ADCY1: variants seen among roughly 807,000 people sequenced by gnomAD.
ADCY1 encodes the protein adenylate cyclase type 1.
A neutral mutation model predicts 105.4 loss-of-function variants in ADCY1; 28 were observed. That is an observed-to-expected ratio of 0.27 (90% CI 0.20 to 0.36). The LOEUF (loss-of-function observed/expected upper bound fraction) is 0.36, where lower values mean the gene tolerates loss of function less well. ADCY1 is among the 10% of genes least tolerant of loss of function. The probability of loss-of-function intolerance (pLI) is 1.00; values close to 1 mark genes in which losing one functional copy is unlikely to be tolerated. For synonymous variants in ADCY1, 655 were observed against 623.8 expected, an observed-to-expected ratio of 1.05 and a Z score of -0.75; for missense variants, 977 against 1,434.2, an observed-to-expected ratio of 0.68 and a Z score of 5.15.
At chr7:45,663,544 G>A (rs1416258349) in intron 8 of ADCY1, among the ~76,000 whole-genome samples, 2 of 152,220 alleles carry the variant, frequency 1.3e-5, no homozygotes, top group African/African-American at 4.8e-5. Context: ...TATTTGGCTG[G>A]ATCGGTGGGC....
intron 19 of ADCY1, among the ~76,000 whole-genome samples, chr7:45,711,148 G>A (rs1785224185): frequency 6.6e-6 from 1 of 152,216 alleles, no homozygotes; most frequent in Admixed American, 6.5e-5. Flanking sequence ...CTTTTCCTCA[G>A]TGTGGAGGAA....
At chr7:45,695,073 G>A (rs142521351) in intron 14 of ADCY1, among the ~76,000 whole-genome samples, 3 of 152,216 alleles carry the variant, frequency 2.0e-5, no homozygotes, top group Non-Finnish European at 4.4e-5. Flanking sequence ...GAGACCCCTA[G>A]GCTCCACAGG....
intron 14 of ADCY1, among the ~76,000 whole-genome samples, chr7:45,694,371 CTT>C (rs576786740): frequency 2.3e-3 from 350 of 152,228 alleles, no homozygotes; most frequent in Non-Finnish European, 4.1e-3. Context: ...TTCTTAGTAA[CTT>C]TTGGTTCAAA....
chr7:45,662,066 C>T lies in ADCY1; in HGVS notation c.1457C>T (p.Pro486Leu). Reference protein sequence around the residue: ...IVPSHRRKIFPGLILSDIKPA... With the variant: ...IVPSHRRKIFLGLILSDIKPA... ...CCTTGTGTGTTTGGACAGATATTTC[C>T]AGGCCTGATTCTCTCAGATATAAAA... The change falls in exon 8 of 20, where the codon CCA becomes CTA. Residue 486 changes from proline (P) to leucine (L), a missense_variant. By Grantham distance (98) the Pro-to-Leu change is moderately conservative. Coordinates refer to ENST00000297323, the MANE Select transcript of ADCY1 (RefSeq NM_021116.4). 6.2e-7 allele frequency: 1 copy of T among 1,613,864 alleles called. No individual in the cohort carries two copies.
intron 2 of ADCY1, among the ~76,000 whole-genome samples, chr7:45,606,615 A>G (rs1793380577): frequency 6.6e-6 from 1 of 152,148 alleles, no homozygotes; most frequent in South Asian, 2.1e-4. Context: ...TGGTTGTTTG[A>G]TGTGTAACAT....
chr7:45,678,315 T>G (rs1159718261), intron 10 of ADCY1, 52 bp downstream of exon 10: 1 of 1,544,450 alleles, frequency 6.5e-7, no homozygotes, highest in Admixed American at 1.7e-5. Context: ...TCCCGGTTTC[T>G]GGGGTTCGTG....
At chr7:45,657,933 T>A in intron 6 of ADCY1, 48 bp downstream of exon 6, 2 of 1,546,642 alleles carry the variant, frequency 1.3e-6, no homozygotes, top group Non-Finnish European at 1.8e-6. Flanking sequence ...GTGATGGCTG[T>A]GCACCCCTGG....
At chr7:45,658,213 C>T (rs1056564279) in intron 6 of ADCY1, among the ~76,000 whole-genome samples, 3 of 152,254 alleles carry the variant, frequency 2.0e-5, no homozygotes, top group Non-Finnish European at 4.4e-5. Flanking sequence ...GTCACTGCAT[C>T]ACTTCTCTTT....
intron 14 of ADCY1, among the ~76,000 whole-genome samples, chr7:45,692,670 A>C (rs1182298850): frequency 6.6e-6 from 1 of 152,216 alleles, no homozygotes; most frequent in Non-Finnish European, 1.5e-5. Flanking sequence ...AAGATAGCAG[A>C]TTTTAAGTGT....
At chr7:45,622,417 C>A (rs886148471) in intron 3 of ADCY1, among the ~76,000 whole-genome samples, 3 of 152,160 alleles carry the variant, frequency 2.0e-5, no homozygotes, top group Non-Finnish European at 4.4e-5. Context: ...TTTACTCCCC[C>A]AGTGGCCAAG....
rs1792916641 is a variant in ADCY1 at position 45,591,526 on chromosome 7, C to T, written c.640-1233C>T. On this transcript the variant is annotated intron_variant, in intron 1 of 19. Transcript: ENST00000297323. The surrounding 1 kb of genome is among the most constrained non-coding windows in gnomAD (Gnocchi z 4.1). ...TGTGTGGAGCAGTGACAGCCGGAGC[C>T]TGCAGGTTTCTGCTCCCTGGGAGAC... 1.3e-5 allele frequency among the ~76,000 whole-genome samples: 2 copies of T among 152,364 alleles called. No individual in the cohort carries two copies. The highest frequency in any genetic ancestry group is 4.8e-5 in the African/African-American group (2 of 41,588).
Position 45,704,630 on chromosome 7 carries a change from G to A in ADCY1, c.2817+14G>A. The A allele has an allele frequency of 6.2e-7, 1 of 1,608,006 alleles. No individual in the cohort carries two copies. The highest frequency in any genetic ancestry group is 2.2e-5 in the East Asian group (1 of 44,876). Reference sequence around the variant, plus strand: ...TCGGGGACCAAGGTGAGTGCAGCCTGGCGCTGCCTGCTTGGGGACTGGGTC... The same window carrying A: ...TCGGGGACCAAGGTGAGTGCAGCCTAGCGCTGCCTGCTTGGGGACTGGGTC... On this transcript the variant is annotated intron_variant, in intron 17 of 19. Coordinates refer to ENST00000297323, the MANE Select transcript of ADCY1 (RefSeq NM_021116.4).
chr7:45,579,224 A>G (rs540300058), intron 1 of ADCY1, among the ~76,000 whole-genome samples: 1 of 152,278 alleles, frequency 6.6e-6, no homozygotes, highest in Non-Finnish European at 1.5e-5. Context: ...CCAATCTGCC[A>G]GCCCTCAGGC....
intron 3 of ADCY1, among the ~76,000 whole-genome samples, chr7:45,616,159 C>T: frequency 6.6e-6 from 1 of 152,222 alleles, no homozygotes; most frequent in East Asian, 1.9e-4. Flanking sequence ...TTGAACAGAC[C>T]TATATATAGT....
chr7:45,604,033 G>T (rs889661710), intron 2 of ADCY1, among the ~76,000 whole-genome samples: 28 of 152,268 alleles, frequency 1.8e-4, no homozygotes, highest in Admixed American at 1.0e-3. Flanking sequence ...ACAGGTTTTT[G>T]TGTGAACATA....
chr7:45,711,744 C>A (rs950583333), intron 19 of ADCY1, among the ~76,000 whole-genome samples: 1 of 135,714 alleles, frequency 7.4e-6, no homozygotes, highest in African/African-American at 2.8e-5. Context: ...TGTATATATA[C>A]GTGTGTGTAT....
At chr7:45,666,146 T>A (rs909943995) in intron 8 of ADCY1, among the ~76,000 whole-genome samples, 16 of 152,304 alleles carry the variant, frequency 1.1e-4, no homozygotes, top group African/African-American at 1.7e-4. Context: ...CTCTTTTTTT[T>A]AAATTATACT....
intron 3 of ADCY1, 49 bp from the exon 4 acceptor site, chr7:45,622,583 T>C (rs755151559): frequency 1.5e-6 from 2 of 1,341,914 alleles, no homozygotes; most frequent in East Asian, 4.6e-5. Flanking sequence ...TAGGGATTAT[T>C]TCCTGAGTGA....
rs1022292664 is a variant in ADCY1, at chr7:45,574,683, C to G, written c.140C>G (p.Ala47Gly). 2.2e-6 allele frequency: 3 copies of G among 1,390,196 alleles called. No individual in the cohort carries two copies. The highest frequency in any genetic ancestry group is 2.6e-4 in the Middle Eastern group (1 of 3,808). The allele number at this position is 1,390,196 out of a possible 1,614,324, so 86.1% of individuals were successfully genotyped here. ...GAGTTCGCTTGCCCAGAGCTGGAGG[C>G]GCTGTTCCGCGGCTACACGCTGCGG... ...DEEFACPELE[A>G]LFRGYTLRLE... The change falls in exon 1 of 20, where the codon GCG becomes GGG. Residue 47 changes from alanine (A) to glycine (G), a missense_variant. Around this residue, in one of 7 missense-constraint regions of ADCY1, gnomAD observed 209 missense variants for 222.5 expected, o/e 0.94. Transcript: ENST00000297323. The surrounding 1 kb of genome is among the most constrained non-coding windows in gnomAD (Gnocchi z 7.0).
Sources: gnomAD v4.1 joint callset for allele counts (sites outside exome capture counted in the v4.1 genomes callset) on GRCh38, gnomAD v4.1.1 for gene constraint, gnomAD v4.1.1 regional missense constraint, Gnocchi (gnomAD v3.1) non-coding constraint, MANE v1.5 for transcripts, NCBI Gene and HGNC (gene_info 2026-07-23, HGNC 2026-07-21) for gene names.